Variants in DNAJB6 observed in about 807,000 individuals in gnomAD.
DNAJB6 encodes the protein DnaJ heat shock protein family (Hsp40) member B6.
In DNAJB6, 16 loss-of-function variants were observed where a neutral mutation model predicts 42.7. That is an observed-to-expected ratio of 0.37 (90% CI 0.25 to 0.57). DNAJB6 has a LOEUF of 0.57. DNAJB6 is among the 20% of genes least tolerant of loss of function. The pLI is 0.74. For missense variants in DNAJB6, 347 were observed against 416.8 expected, an observed-to-expected ratio of 0.83 and a Z score of 1.46; for synonymous variants, 170 against 163.5, an observed-to-expected ratio of 1.04 and a Z score of -0.30.
chr7:157,409,822 A>G lies in DNAJB6; in HGVS notation c.719A>G (p.Glu240Gly), dbSNP rs1563153818. ...GTGGCCGACGACGATGCCCTCGCTG[A>G]GGAGCGCATGCGGAGAGGCCAGAAC... ...NGVADDDALAEERMRRGQNAL... is the reference protein window; with the variant it reads ...NGVADDDALAGERMRRGQNAL... Residue 240 changes from glutamate (E) to glycine (G), a missense_variant, in exon 9 of 10, where the codon GAG (glutamate) becomes GGG (glycine). Physicochemically the swap from Glu to Gly is moderately conservative, Grantham distance 98. Around this residue, in one of 3 missense-constraint regions of DNAJB6, gnomAD observed 264 missense variants for 288.0 expected, o/e 0.92. Coordinates refer to ENST00000262177, the MANE Select transcript of DNAJB6 (RefSeq NM_058246.4). The G allele has an allele frequency of 2.6e-6, 4 of 1,532,034 alleles. No individual in the cohort carries two copies. The allele number at this position is 1,532,034 out of a possible 1,614,324, so 94.9% of individuals were successfully genotyped here. A position where few individuals can be genotyped will look rare whatever the true frequency, so the allele number is the denominator to read the frequency against.
At chr7:157,368,214 G>A (rs571366810) in intron 5 of DNAJB6, among the ~76,000 whole-genome samples, 1 of 152,286 alleles carries the variant, frequency 6.6e-6, no homozygotes, top group East Asian at 1.9e-4. Flanking sequence ...AGGGTTTAAT[G>A]TATTTTTTTC....
At chr7:157,372,365 A>T (rs933763050) in intron 5 of DNAJB6, 1 of 153,204 alleles carries the variant, frequency 6.5e-6, no homozygotes, top group East Asian at 1.9e-4. Flanking sequence ...GCTGGGGCTC[A>T]TATCCAGCGA....
chr7:157,349,290 C>T (rs1798850175), intron 1 of DNAJB6, among the ~76,000 whole-genome samples: 8 of 152,114 alleles, frequency 5.3e-5, no homozygotes, highest in Admixed American at 5.2e-4. Flanking sequence ...TGATTAAATT[C>T]AATCAGAATG....
intron 8 of DNAJB6, among the ~76,000 whole-genome samples, chr7:157,408,070 C>T (rs751745487): frequency 5.3e-5 from 8 of 152,254 alleles, no homozygotes; most frequent in South Asian, 2.1e-4. Context: ...CAGGTGAGCA[C>T]GTGGAGTTCC....
chr7:157,344,405 C>T lies in DNAJB6; in HGVS notation c.-27+7261C>T, dbSNP rs146909063. Among the ~76,000 whole-genome samples the T allele has an allele frequency of 6.0e-3, 902 of 151,022 alleles. 8 individuals are homozygous for T. The highest frequency in any genetic ancestry group is 0.021 in the African/African-American group (868 of 41,086). ...GGACACACCTGTAGTCCCAGGTACT[C>T]GGGAGGCTGATGCAGGAGAATCGCT... is the stretch of plus-strand genomic sequence containing the variant. On this transcript the variant is annotated intron_variant, in intron 1 of 9. Coordinates refer to ENST00000262177, the MANE Select transcript of DNAJB6 (RefSeq NM_058246.4).
intron 1 of DNAJB6, among the ~76,000 whole-genome samples, chr7:157,340,998 G>GTGTGTGCGCGCGCGCT (rs67210462): frequency 4.1e-4 from 55 of 135,040 alleles, no homozygotes; most frequent in African/African-American, 1.5e-3. Flanking sequence ...GTGTGTGTGT[G>GTGTGTGCGCGCGCGCT]CGCGCGCGCA....
intron 1 of DNAJB6, among the ~76,000 whole-genome samples, chr7:157,347,676 C>T (rs1406705919): frequency 6.6e-6 from 1 of 152,202 alleles, no homozygotes; most frequent in Non-Finnish European, 1.5e-5. Flanking sequence ...CTCCTTTCCC[C>T]CTTAATCGGC....
At chr7:157,343,701 G>A (rs1400790096) in intron 1 of DNAJB6, among the ~76,000 whole-genome samples, 1 of 152,130 alleles carries the variant, frequency 6.6e-6, no homozygotes, top group East Asian at 1.9e-4. Flanking sequence ...CACCTGCCAT[G>A]GCCTCCCAAA....
At chr7:157,365,749 C>T (rs1053306529) in intron 3 of DNAJB6, among the ~76,000 whole-genome samples, 1 of 152,208 alleles carries the variant, frequency 6.6e-6, no homozygotes, top group African/African-American at 2.4e-5. Context: ...ACTGCAACTT[C>T]TGCCTCCTGG....
intron 8 of DNAJB6, among the ~76,000 whole-genome samples, chr7:157,404,516 C>CTTT (rs1203774806): frequency 1.3e-5 from 1 of 74,240 alleles, no homozygotes; most frequent in Non-Finnish European, 3.2e-5. Flanking sequence ...TTTTTCTTTT[C>CTTT]TTTTTTTTTT....
At chr7:157,379,504 G>C (rs1450069520) in intron 5 of DNAJB6, 1 of 152,216 alleles carries the variant, frequency 6.6e-6, no homozygotes, top group Non-Finnish European at 1.5e-5. Flanking sequence ...CTTTCTCACT[G>C]TCACACTCTT....
At chr7:157,409,123 C>T (rs1224288367) in intron 8 of DNAJB6, among the ~76,000 whole-genome samples, 1 of 152,336 alleles carries the variant, frequency 6.6e-6, no homozygotes, top group East Asian at 1.9e-4. Context: ...GCGTTCAAAA[C>T]ATTTTTTCCA....
chr7:157,354,210 C>T (rs879496380), intron 1 of DNAJB6, among the ~76,000 whole-genome samples: 96 of 152,122 alleles, frequency 6.3e-4, no homozygotes, highest in African/African-American at 2.1e-3. Context: ...TGCAATGGTG[C>T]GATCTCGGCT....
chr7:157,366,902 T>A (rs950511284), intron 4 of DNAJB6, among the ~76,000 whole-genome samples: 1 of 152,196 alleles, frequency 6.6e-6, no homozygotes, highest in Admixed American at 6.6e-5. Flanking sequence ...ATAATGACTT[T>A]GAAGGGCGTG....
intron 5 of DNAJB6, among the ~76,000 whole-genome samples, chr7:157,372,673 C>G (rs899850296): frequency 1.3e-5 from 2 of 152,164 alleles, no homozygotes; most frequent in East Asian, 3.9e-4. Context: ...GGCTCTTTCC[C>G]TAGAAGCCAG....
At chr7:157,386,074 A>G in intron 8 of DNAJB6, 1 of 985,978 alleles carries the variant, frequency 1.0e-6, no homozygotes, top group East Asian at 1.1e-4. Flanking sequence ...TTTTTTCAGT[A>G]TTTAGTAGTG....
At chr7:157,353,510 C>A (rs568688641) in intron 1 of DNAJB6, among the ~76,000 whole-genome samples, 6 of 151,540 alleles carry the variant, frequency 4.0e-5, no homozygotes, top group African/African-American at 1.5e-4. Context: ...AGAAACCATC[C>A]GAGGAACCCA....
intron 8 of DNAJB6, among the ~76,000 whole-genome samples, chr7:157,386,603 C>T (rs144344566): frequency 3.4e-5 from 4 of 116,368 alleles, no homozygotes; most frequent in South Asian, 5.5e-4. Flanking sequence ...CTTACGGATC[C>T]GGGCGCGGTA....
intron 3 of DNAJB6, among the ~76,000 whole-genome samples, chr7:157,364,507 T>G (rs1054338907): frequency 6.6e-6 from 1 of 152,206 alleles, no homozygotes; most frequent in Non-Finnish European, 1.5e-5. Flanking sequence ...CTTGAACTCC[T>G]GGGTTGAGGT....
Sources: gnomAD v4.1 joint callset for allele counts (sites outside exome capture counted in the v4.1 genomes callset) on GRCh38, gnomAD v4.1.1 for gene constraint, gnomAD v4.1.1 regional missense constraint, MANE v1.5 for transcripts, NCBI Gene and HGNC (gene_info 2026-07-23, HGNC 2026-07-21) for gene names.